IQCM: variants seen among roughly 807,000 people sequenced by gnomAD.
IQCM encodes the protein IQ motif containing M.
IQCM carries 45 observed loss-of-function variants against 57.6 expected under a neutral mutation model. That is an observed-to-expected ratio of 0.78 (90% CI 0.62 to 1.00). The LOEUF is 1.00. Among genes scored for constraint, IQCM ranks in the 50% least tolerant of loss-of-function variants. IQCM has a pLI of 0.00. For missense variants in IQCM, 468 were observed against 511.6 expected, an observed-to-expected ratio of 0.91 and a Z score of 0.82; for synonymous variants, 148 against 158.9, an observed-to-expected ratio of 0.93 and a Z score of 0.51.
At chr4:149,773,941 C>T (rs17026438) in intron 2 of IQCM, among the ~76,000 whole-genome samples, 22,338 of 152,044 alleles carry the variant, frequency 0.15, 3,694 homozygotes, top group African/African-American at 0.37. Context: ...AATGCCAAAT[C>T]TGTAACAATA....
In IQCM at chr4:149,475,618, G is replaced by C. The variant is rs376791262; in HGVS notation, c.1229-42061C>G. The stretch of plus-strand genomic sequence containing the variant: ...AAGAGAGCTAAAGACTGAGGCTTGG[G>C]GTCTTGTAGCACTGAGGGGGGAAGA... On this transcript the variant is annotated intron_variant, in intron 12 of 13. Coordinates refer to ENST00000636793, the MANE Select transcript of IQCM (RefSeq NM_001363507.2). Among the ~76,000 whole-genome samples the C allele has an allele frequency of 3.9e-5, 6 of 152,166 alleles. No homozygotes were observed. In the East Asian group the frequency reaches 9.7e-4, roughly 25 times the overall value.
Position 149,351,907 on chromosome 4 carries a change from G to A in IQCM, c.*44C>T. On this transcript the variant is annotated 3_prime_UTR_variant, in exon 14 of 14. Transcript: ENST00000636793. ...CCTCCAGTGTTAACTTGTCTCTTTG[G>A]GTAGAGAAGTTTAACTATTACAGGT... 1 of 398,230 alleles carries A rather than the reference G, an allele frequency of 2.5e-6. No individual in the cohort carries two copies. Among genetic ancestry groups the A allele is most frequent in the Non-Finnish European group, 4.4e-6 (1 of 225,778 alleles). 24.7% of individuals were successfully genotyped at this position (398,230 alleles called of 1,614,324 possible).
At chr4:149,717,968 T>C (rs2149846224) in intron 5 of IQCM, among the ~76,000 whole-genome samples, 1 of 152,322 alleles carries the variant, frequency 6.6e-6, no homozygotes, top group Non-Finnish European at 1.5e-5. Context: ...CATGGTGGCC[T>C]CTGATGATAG....
chr4:149,799,615 T>C (rs986857709), intron 2 of IQCM, among the ~76,000 whole-genome samples: 1 of 151,180 alleles, frequency 6.6e-6, no homozygotes, highest in Admixed American at 6.6e-5. Context: ...AGAAAGAAGA[T>C]AGAAGTAAAA....
At chr4:149,651,899 C>A (rs1437182347) in intron 7 of IQCM, among the ~76,000 whole-genome samples, 1 of 152,118 alleles carries the variant, frequency 6.6e-6, no homozygotes, top group Non-Finnish European at 1.5e-5. Context: ...GTGGCGATTT[C>A]TCGAGGATTT....
chr4:149,489,656 C>T (rs568826437), intron 12 of IQCM, among the ~76,000 whole-genome samples: 4 of 151,866 alleles, frequency 2.6e-5, no homozygotes, highest in African/African-American at 7.2e-5. Flanking sequence ...TAAACAGAAA[C>T]GTTAATTACA....
At chr4:149,610,472 T>C (rs141962932) in intron 8 of IQCM, among the ~76,000 whole-genome samples, 5 of 152,062 alleles carry the variant, frequency 3.3e-5, no homozygotes, top group African/African-American at 1.2e-4. Context: ...TGACTTCAAA[T>C]TATACTATAA....
In IQCM at chr4:149,405,818, T is replaced by A. The variant is rs1732931829; in HGVS notation, c.1390+27578A>T. Among the ~76,000 whole-genome samples the A allele has an allele frequency of 1.2e-4, 17 of 143,992 alleles. No individual in the cohort carries two copies. In the South Asian group the frequency reaches 3.9e-3, roughly 33 times the overall value. The allele number at this position is 143,992 out of a possible 152,430, so 94.5% of individuals were successfully genotyped here. On this transcript the variant is annotated intron_variant, in intron 13 of 13. Transcript: ENST00000636793. ...TTTCAACCCTTTTTAAATTTTCACC[T>A]CCTAAGGAGCATATATATATATATA... is the stretch of plus-strand genomic sequence containing the variant.
intron 7 of IQCM, among the ~76,000 whole-genome samples, chr4:149,657,165 C>T (rs1759709124): frequency 6.6e-6 from 1 of 152,252 alleles, no homozygotes; most frequent in African/African-American, 2.4e-5. Context: ...CCATCCTCCT[C>T]CACCTCCCGC....
At chr4:149,809,960 G>A (rs566639460) in intron 2 of IQCM, among the ~76,000 whole-genome samples, 147 of 152,082 alleles carry the variant, frequency 9.7e-4, no homozygotes, top group Middle Eastern at 3.4e-3. Context: ...AATAAATACC[G>A]AGTGTCTGAT....
At chr4:149,544,926 T>A in intron 12 of IQCM, among the ~76,000 whole-genome samples, 1 of 152,200 alleles carries the variant, frequency 6.6e-6, no homozygotes, top group Admixed American at 6.6e-5. Flanking sequence ...ATGTAAAGTC[T>A]GAAGCCACAA....
intron 5 of IQCM, among the ~76,000 whole-genome samples, chr4:149,714,910 A>G (rs1764863120): frequency 6.6e-6 from 1 of 152,188 alleles, no homozygotes; most frequent in Admixed American, 6.5e-5. Context: ...ATTAATTGGT[A>G]TGGGGCAAGA....
At chr4:149,615,654 G>T (rs540821910) in intron 8 of IQCM, among the ~76,000 whole-genome samples, 1 of 152,160 alleles carries the variant, frequency 6.6e-6, no homozygotes, top group Non-Finnish European at 1.5e-5. Context: ...GCTTAAAAAG[G>T]ATAGTGTTCT....
intron 12 of IQCM, among the ~76,000 whole-genome samples, chr4:149,476,903 C>T (rs929485127): frequency 8.5e-5 from 13 of 152,104 alleles, no homozygotes; most frequent in African/African-American, 3.1e-4. Context: ...TAACAACAAC[C>T]TTTCATTTGA....
intron 11 of IQCM, among the ~76,000 whole-genome samples, chr4:149,549,827 C>G (rs1213512089): frequency 6.6e-6 from 1 of 152,128 alleles, no homozygotes; most frequent in Non-Finnish European, 1.5e-5. Context: ...TTCATTCATT[C>G]ATTTAGCTGA....
At chr4:149,659,676 G>T (rs918887741) in intron 7 of IQCM, among the ~76,000 whole-genome samples, 1 of 151,894 alleles carries the variant, frequency 6.6e-6, no homozygotes, top group Non-Finnish European at 1.5e-5. Context: ...AAATAACACC[G>T]CATATCTACA....
intron 12 of IQCM, among the ~76,000 whole-genome samples, chr4:149,438,361 A>G (rs1250723173): frequency 6.6e-6 from 1 of 152,152 alleles, no homozygotes; most frequent in Non-Finnish European, 1.5e-5. Flanking sequence ...AATGATATTC[A>G]TTAAATTGCT....
chr4:149,533,474 A>C (rs570934017), intron 12 of IQCM, among the ~76,000 whole-genome samples: 1 of 152,238 alleles, frequency 6.6e-6, no homozygotes, highest in South Asian at 2.1e-4. Context: ...AGAAAACTTA[A>C]GTAAGTAGAT....
chr4:149,685,530 G>A (rs900268172), intron 6 of IQCM, among the ~76,000 whole-genome samples: 2 of 151,402 alleles, frequency 1.3e-5, no homozygotes, highest in Non-Finnish European at 3.0e-5. Flanking sequence ...TGGTTACCCT[G>A]AGCATGGATC....
Sources: gnomAD v4.1 joint callset for allele counts (sites outside exome capture counted in the v4.1 genomes callset) on GRCh38, gnomAD v4.1.1 for gene constraint, MANE v1.5 for transcripts, NCBI Gene and HGNC (gene_info 2026-07-23, HGNC 2026-07-21) for gene names.